Variants in VWCE observed in about 807,000 individuals in gnomAD.
The protein encoded by VWCE is von Willebrand factor C and EGF domain-containing protein.
Under a neutral mutation model 102.9 loss-of-function variants are expected in VWCE, and 68 were observed. The observed-to-expected ratio is 0.66, with a 90% confidence interval of 0.54 to 0.81. The LOEUF (loss-of-function observed/expected upper bound fraction) is 0.81. Among genes scored for constraint, VWCE ranks in the 30% least tolerant of loss-of-function variants. VWCE has a pLI of 0.00. For synonymous variants in VWCE, 497 were observed against 515.4 expected (o/e 0.96, Z 0.48); for missense variants, 1,137 against 1,263.6 (o/e 0.90, Z 1.52).
chr11:61,263,303 CAAAA>C (rs763833059), intron 19 of VWCE, among the ~76,000 whole-genome samples: 1 of 70,290 alleles, frequency 1.4e-5, no homozygotes, highest in Non-Finnish European at 3.2e-5. Context: ...TGAGAATCCT[CAAAA>C]AAAAAAAAAA....
intron 16 of VWCE, among the ~76,000 whole-genome samples, 177 bp downstream of exon 16, chr11:61,267,285 T>G (rs1854542302): frequency 6.6e-6 from 1 of 151,928 alleles, no homozygotes; most frequent in Non-Finnish European, 1.5e-5. Context: ...CAAAAAAAAT[T>G]TCTCTGGCCC....
chr11:61,266,459 G>A (rs1398681666), intron 16 of VWCE, among the ~76,000 whole-genome samples: 1 of 151,742 alleles, frequency 6.6e-6, no homozygotes, highest in Non-Finnish European at 1.5e-5. Flanking sequence ...GACATAGGAG[G>A]ATCGCTTGAG....
rs546495944 is a variant in VWCE at position 61,286,267 on chromosome 11, A to G, written c.541+47T>C. On this transcript the variant is annotated intron_variant, in intron 5 of 19. Coordinates refer to ENST00000335613, the MANE Select transcript of VWCE (RefSeq NM_152718.2). ...GGCAGGGCTGAGTGTTCAATGTGGC[A>G]TCCCCATTACCCCTCCCAGAGCAGC... The G allele has an allele frequency of 2.6e-6, 4 of 1,543,996 alleles. No homozygotes were observed. The Admixed American group carries it at 5.0e-5, about 19-fold the overall frequency.
Position 61,290,862 on chromosome 11 carries a change from C to A in VWCE, c.361G>T (p.Val121Leu), listed in dbSNP as rs747853498. The A allele has an allele frequency of 6.2e-7, 1 of 1,613,928 alleles. No homozygotes were observed. Among genetic ancestry groups the A allele is most frequent in the East Asian group, 2.2e-5 (1 of 44,848 alleles). The part of the protein sequence containing the change: ...LTCNHGGCQE[V>L]ARVCPVGFSM... ...AAGCCCACGGGGCACACTCGGGCCA[C>A]CTCCTGACAGCCTCCATGGTTGCAG... The change falls in exon 4 of 20, where the codon GTG becomes TTG. Residue 121 changes from valine to leucine, a missense_variant. By Grantham distance (32) the Val-to-Leu change is conservative. Coordinates refer to ENST00000335613, the MANE Select transcript of VWCE (RefSeq NM_152718.2).
intron 4 of VWCE, 28 bp downstream of exon 4, chr11:61,290,771 C>A: frequency 6.3e-7 from 1 of 1,585,116 alleles, no homozygotes; most frequent in South Asian, 1.1e-5. Flanking sequence ...TCCCCCTCCC[C>A]CTCCCCCACC....
rs758777251 is a variant in VWCE, at chr11:61,265,165, G to A, written c.2013C>T (p.Thr671=). 1.9e-6 allele frequency: 3 copies of A among 1,552,842 alleles called. No individual in the cohort carries two copies. The highest frequency in any genetic ancestry group is 2.6e-6 in the Non-Finnish European group (3 of 1,148,802). ...ACTCCCCGTCAGGGTGGAAAGGGTA[G>A]GTACAGGTGATGGGGCAGTCCACGG... ...CSPVDCPITC[T]YPFHPDGECC... is the part of the protein sequence containing the mutation. The change falls in exon 17 of 20, where the codon ACC becomes ACT. Residue 671 remains threonine, a synonymous_variant. Coordinates refer to ENST00000335613, the MANE Select transcript of VWCE (RefSeq NM_152718.2).
Position 61,278,473 on chromosome 11 carries a change from C to G in VWCE, c.1328G>C (p.Cys443Ser). The change falls in exon 10 of 20, where the codon TGT (cysteine) becomes TCT (serine). Residue 443 changes from cysteine to serine, a missense_variant. This residue lies in a region of VWCE where 575 missense variants were observed against 625.9 expected (regional missense o/e 0.92). Coordinates refer to ENST00000335613, the MANE Select transcript of VWCE (RefSeq NM_152718.2). Reference sequence around the variant, plus strand: ...AGCTCGGACGACACCACTGTGAAAACAGCCTTTGAAGGACAAATAGGAGGT... The same window carrying G: ...AGCTCGGACGACACCACTGTGAAAAGAGCCTTTGAAGGACAAATAGGAGGT... ...DGGCCPSCTG[C>S]FHSGVVRAEG... The G allele has an allele frequency of 6.2e-7, 1 of 1,614,160 alleles. No individual in the cohort carries two copies. Among genetic ancestry groups the G allele is most frequent in the Non-Finnish European group, 8.5e-7 (1 of 1,179,996 alleles).
At position 61,273,243 on chromosome 11, in the gene VWCE, G is replaced by C. The variant is rs1419503548; in HGVS notation, c.1655C>G (p.Pro552Arg). The change falls in exon 13 of 20, where the codon CCT becomes CGT. Residue 552 changes from proline (P) to arginine (R), a missense_variant. This residue lies in a region of VWCE where 212 missense variants were observed against 235.1 expected (regional missense o/e 0.90). Coordinates refer to ENST00000335613, the MANE Select transcript of VWCE (RefSeq NM_152718.2). ...ACPREEWRLGPGQCCFTCQEP... is the reference protein window; with the variant it reads ...ACPREEWRLGRGQCCFTCQEP... ...CTGGCAGGTGAAGCAACACTGCCCA[G>C]GGCCCAGCCGCCACTCTTCTCGGGG... 3 of 1,613,360 alleles carry C rather than the reference G, an allele frequency of 1.9e-6. No homozygotes were observed. The highest frequency in any genetic ancestry group is 1.1e-5 in the South Asian group (1 of 91,030).
At position 61,294,881 on chromosome 11, in the gene VWCE, T is replaced by C. The variant is rs1033766802; in HGVS notation, c.110+47A>G. 7 of 1,274,378 alleles carry C rather than the reference T, an allele frequency of 5.5e-6. No homozygotes were observed. The highest frequency in any genetic ancestry group is 7.1e-6 in the Non-Finnish European group (7 of 988,294). The allele number at this position is 1,274,378 out of a possible 1,614,324, so 78.9% of individuals were successfully genotyped here. A position where few individuals can be genotyped will look rare whatever the true frequency, so the allele number is the denominator to read the frequency against. On this transcript the variant is annotated intron_variant, in intron 1 of 19. Coordinates refer to ENST00000335613, the MANE Select transcript of VWCE (RefSeq NM_152718.2). The surrounding 1 kb of genome is among the most constrained non-coding windows in gnomAD (Gnocchi z 6.3). ...TCCGCGCCTCTCGACTGCACGCCGG[T>C]AGCGCTCTCCCGGGCGGGGGAGCGG... is the stretch of plus-strand genomic sequence containing the variant.
At chr11:61,260,712 C>T (rs1321266720) in intron 19 of VWCE, among the ~76,000 whole-genome samples, 1 of 152,100 alleles carries the variant, frequency 6.6e-6, no homozygotes, top group African/African-American at 2.4e-5. Context: ...CTAAGTAAAT[C>T]CCTATTTTTT....
At position 61,295,075 on chromosome 11, in the gene VWCE, CCTGCG is replaced by C; in HGVS notation, c.-43_-39del. The stretch of plus-strand genomic sequence containing the variant: ...CGGGTCCCCCGGGCTGGGCTCGGCT[CCTGCG>C]CCGCGCGCGGGAGAGGGGGCTGCCG... On this transcript the variant is annotated 5_prime_UTR_variant, in exon 1 of 20. Coordinates refer to ENST00000335613, the MANE Select transcript of VWCE (RefSeq NM_152718.2). The surrounding 1 kb of genome is among the most constrained non-coding windows in gnomAD (Gnocchi z 4.6). The C allele has an allele frequency of 7.9e-7, 1 of 1,262,824 alleles. No homozygotes were observed. Among genetic ancestry groups the C allele is most frequent in the Non-Finnish European group, 1.0e-6 (1 of 994,196 alleles). 78.2% of individuals were successfully genotyped at this position (1,262,824 alleles called of 1,614,324 possible).
At chr11:61,269,421 C>T (rs1854606657) in intron 14 of VWCE, 1 of 169,000 alleles carries the variant, frequency 5.9e-6, no homozygotes, top group African/African-American at 2.4e-5. Flanking sequence ...TTCAGAGAGC[C>T]AAAGTGCCAT....
In VWCE at chr11:61,281,795, A is replaced by G. The variant is rs974746904; in HGVS notation, c.778T>C (p.Ser260Pro). 7 of 1,612,742 alleles carry G rather than the reference A, an allele frequency of 4.3e-6. No individual in the cohort carries two copies. Among genetic ancestry groups the G allele is most frequent in the Non-Finnish European group, 5.9e-6 (7 of 1,179,334 alleles). Residue 260 changes from serine to proline, a missense_variant, in exon 7 of 20, where the codon TCC becomes CCC. Physicochemically the swap from Ser to Pro is moderately conservative, Grantham distance 74. Transcript: ENST00000335613. ...GGGGCCTGGCGCTCACCTTCACAGG[A>G]CACGCGGTCAGCTCGGAGCCTGAAG... ...PGFRLRADRVSCEAFPKAVLA... is the reference protein window; with the variant it reads ...PGFRLRADRVPCEAFPKAVLA...
intron 11 of VWCE, among the ~76,000 whole-genome samples, chr11:61,275,060 C>T (rs117956722): frequency 2.0e-5 from 3 of 152,130 alleles, no homozygotes; most frequent in Non-Finnish European, 2.9e-5. Context: ...ATGTCAACAA[C>T]AACAAAAAAG....
chr11:61,281,336 A>AC (rs1855127412), intron 7 of VWCE, 101 bp from the exon 8 acceptor site: 6 of 1,408,330 alleles, frequency 4.3e-6, no homozygotes, highest in South Asian at 2.6e-5. Flanking sequence ...GTCCCTGTTC[A>AC]CCCCCCGTGG....
chr11:61,269,046 C>T, intron 14 of VWCE, 28 bp from the exon 15 acceptor site: 1 of 1,606,360 alleles, frequency 6.2e-7, no homozygotes, highest in Non-Finnish European at 8.5e-7. Flanking sequence ...TTCACCAAGA[C>T]CCCACCGGTG....
At chr11:61,264,634 C>A (rs1239634618) in intron 18 of VWCE, 57 bp from the exon 19 acceptor site, 25 of 1,537,584 alleles carry the variant, frequency 1.6e-5, no homozygotes, top group Non-Finnish European at 2.2e-5. Context: ...CTGCCCTGGG[C>A]AGTGCCCTCA....
intron 9 of VWCE, among the ~76,000 whole-genome samples, chr11:61,280,101 G>T (rs964956436): frequency 2.0e-5 from 3 of 152,114 alleles, no homozygotes. Context: ...TTAAGGATCT[G>T]TGAAGAATTT....
At chr11:61,279,739 CT>C (rs1242116664) in intron 9 of VWCE, among the ~76,000 whole-genome samples, 2 of 151,528 alleles carry the variant, frequency 1.3e-5, no homozygotes, top group South Asian at 4.2e-4. Flanking sequence ...TTTCTTTTTT[CT>C]TTTTAGCCAG....
Sources: allele counts gnomAD v4.1 joint callset (sites outside exome capture counted in the v4.1 genomes callset), GRCh38; gene constraint gnomAD v4.1.1; regional missense constraint gnomAD v4.1.1; non-coding constraint Gnocchi (gnomAD v3.1); transcripts MANE v1.5; gene names NCBI Gene and HGNC (gene_info 2026-07-23, HGNC 2026-07-21).